The following SHROOM3 variants were observed in gnomAD, a reference collection of about 807,000 sequenced individuals.
SHROOM3 encodes the protein protein Shroom3.
SHROOM3 carries 47 observed loss-of-function variants against 138.6 expected under a neutral mutation model. The observed-to-expected ratio is 0.34, with a 90% CI of 0.27 to 0.43. SHROOM3 has a LOEUF of 0.43. Ranked by LOEUF, SHROOM3 falls within the 20% of genes least tolerant of loss-of-function variation. The pLI, the probability that SHROOM3 is intolerant of heterozygous loss-of-function variation, is 1.00. For missense variants in SHROOM3, 2,491 were observed against 2,596.5 expected (o/e 0.96, Z 0.88); for synonymous variants, 1,062 against 1,063.3 (o/e 1.00, Z 0.02).
At chr4:76,742,069 T>G (rs1721277379) in intron 5 of SHROOM3, 143 bp downstream of exon 5, 1 of 1,119,282 alleles carries the variant, frequency 8.9e-7, no homozygotes, top group Non-Finnish European at 1.3e-6. Context: ...TTTGTTTTCA[T>G]GAGTTGAGTT....
chr4:76,490,784 A>G (rs1314524420), intron 1 of SHROOM3, among the ~76,000 whole-genome samples: 1 of 152,230 alleles, frequency 6.6e-6, no homozygotes, highest in Non-Finnish European at 1.5e-5. Flanking sequence ...TAAAAATAAT[A>G]GCAAGAAACA....
intron 2 of SHROOM3, among the ~76,000 whole-genome samples, chr4:76,610,995 A>G (rs972805579): frequency 2.0e-5 from 3 of 152,206 alleles, no homozygotes; most frequent in Non-Finnish European, 4.4e-5. Context: ...CACTGTGGAT[A>G]GGGATGGGGG....
intron 6 of SHROOM3, among the ~76,000 whole-genome samples, chr4:76,753,070 G>A (rs1190602485): frequency 1.3e-5 from 2 of 152,134 alleles, no homozygotes; most frequent in African/African-American, 4.8e-5. Flanking sequence ...TGCCAGGATG[G>A]ATGAGACAGA....
intron 10 of SHROOM3, among the ~76,000 whole-genome samples, chr4:76,775,189 A>G (rs192820158): frequency 6.6e-6 from 1 of 152,210 alleles, no homozygotes; most frequent in East Asian, 1.9e-4. Flanking sequence ...CATCCACTTA[A>G]AACTGAGAAC....
At position 76,472,101 on chromosome 4, in the gene SHROOM3, C is replaced by T. The variant is rs79246273; in HGVS notation, c.168+35881C>T. Among the ~76,000 whole-genome samples the T allele has an allele frequency of 4.1e-3, 623 of 152,172 alleles. 3 individuals are homozygous for T. Among genetic ancestry groups the T allele is most frequent in the Middle Eastern group, 0.01 (3 of 294 alleles). On this transcript the variant is annotated intron_variant, in intron 1 of 10. Transcript: ENST00000296043. ...GGTGCAGTTTCAGGCATATGGTGAG[C>T]ATGCAATAAATAAATACTAGCTCAT...
chr4:76,761,028 T>A (rs1473766387), intron 9 of SHROOM3, among the ~76,000 whole-genome samples: 1 of 152,184 alleles, frequency 6.6e-6, no homozygotes, highest in Non-Finnish European at 1.5e-5. Flanking sequence ...AATTTTTAAG[T>A]GTTTTTTTTT....
At chr4:76,668,429 C>T (rs1718779601) in intron 2 of SHROOM3, among the ~76,000 whole-genome samples, 1 of 151,914 alleles carries the variant, frequency 6.6e-6, no homozygotes, top group East Asian at 1.9e-4. Flanking sequence ...AAAAATTAGC[C>T]GGACGTAGTG....
chr4:76,700,517 A>C (rs1248446644), intron 2 of SHROOM3, among the ~76,000 whole-genome samples: 1 of 152,174 alleles, frequency 6.6e-6, no homozygotes, highest in Admixed American at 6.5e-5. Context: ...GGCTGCTCTC[A>C]TGGTCTCTTT....
In SHROOM3 at chr4:76,756,398, T is replaced by TCTCC. The variant is rs1175360048; in HGVS notation, c.4710-48_4710-47insCCTC. On this transcript the variant is annotated intron_variant, in intron 7 of 10. Coordinates refer to ENST00000296043, the MANE Select transcript of SHROOM3 (RefSeq NM_020859.4). ...CTTATCATCACCCTTCTCTTATCAC[T>TCTCC]CTCTCTTTCTCTCTCTCTCTTTTTT... 4.6e-6 allele frequency: 7 copies of TCTCC among 1,537,434 alleles called. No homozygotes were observed. The African/African-American group carries it at 1.0e-4, about 22-fold the overall frequency.
intron 2 of SHROOM3, among the ~76,000 whole-genome samples, chr4:76,595,828 G>T (rs1734370877): frequency 6.6e-6 from 1 of 152,138 alleles, no homozygotes; most frequent in African/African-American, 2.4e-5. Context: ...ACAATTATGA[G>T]GGCCTGTTTT....
chr4:76,770,514 G>C (rs1313120495), intron 9 of SHROOM3, 112 bp from the exon 10 acceptor site: 1 of 1,264,400 alleles, frequency 7.9e-7, no homozygotes, highest in African/African-American at 1.5e-5. Flanking sequence ...AGAGAAGGGG[G>C]AGGATATTCA....
At chr4:76,702,604 C>G (rs1364129907) in intron 2 of SHROOM3, among the ~76,000 whole-genome samples, 1 of 152,178 alleles carries the variant, frequency 6.6e-6, no homozygotes, top group East Asian at 1.9e-4. Context: ...GCAGCTGGCT[C>G]CGGAATCCAC....
At chr4:76,620,091 A>AAAAG (rs749696462) in intron 2 of SHROOM3, among the ~76,000 whole-genome samples, 7,758 of 133,398 alleles carry the variant, frequency 0.058, 409 homozygotes, top group African/African-American at 0.11. Context: ...AAAAAAAAAA[A>AAAAG]AAGAAGAAAA....
intron 2 of SHROOM3, among the ~76,000 whole-genome samples, chr4:76,690,610 C>A (rs959161981): frequency 2.0e-5 from 3 of 152,188 alleles, no homozygotes; most frequent in Admixed American, 6.5e-5. Context: ...TAAAAGCACC[C>A]TGGTCGGATA....
chr4:76,466,870 T>C (rs1209642987), intron 1 of SHROOM3, among the ~76,000 whole-genome samples: 1 of 152,160 alleles, frequency 6.6e-6, no homozygotes, highest in Admixed American at 6.5e-5. Context: ...GGGCTGAAGA[T>C]GCAATGAAAA....
intron 1 of SHROOM3, among the ~76,000 whole-genome samples, chr4:76,516,594 TAGAA>T (rs1239357440): frequency 2.0e-5 from 3 of 149,512 alleles, no homozygotes; most frequent in Non-Finnish European, 3.0e-5. Flanking sequence ...GAGCATGATT[TAGAA>T]AAAAAAAAGG....
intron 2 of SHROOM3, chr4:76,639,399 T>C (rs1735596441): frequency 2.6e-6 from 1 of 391,986 alleles, no homozygotes; most frequent in South Asian, 1.4e-4. Flanking sequence ...TTGCTGCAAA[T>C]TGGTGGTGAG....
At chr4:76,466,413 A>T (rs1463652485) in intron 1 of SHROOM3, among the ~76,000 whole-genome samples, 1 of 152,188 alleles carries the variant, frequency 6.6e-6, no homozygotes, top group African/African-American at 2.4e-5. Flanking sequence ...TTCAAGACAT[A>T]GTAAGATTTT....
intron 2 of SHROOM3, among the ~76,000 whole-genome samples, chr4:76,661,525 C>T (rs1302184935): frequency 2.6e-5 from 4 of 152,250 alleles, no homozygotes; most frequent in South Asian, 2.1e-4. Context: ...TGAGACACTG[C>T]GCCTGGCAAA....
Sources: gnomAD v4.1 joint callset for allele counts (sites outside exome capture counted in the v4.1 genomes callset) on GRCh38, gnomAD v4.1.1 for gene constraint, MANE v1.5 for transcripts, NCBI Gene and HGNC (gene_info 2026-07-23, HGNC 2026-07-21) for gene names.